RASA1: variants seen among roughly 807,000 people sequenced by gnomAD.
RASA1 encodes RAS p21 protein activator 1, also known as ras GTPase-activating protein 1.
Under a neutral mutation model 132.2 loss-of-function variants are expected in RASA1, and 25 were observed. The observed-to-expected ratio is 0.19, with a 90% CI of 0.14 to 0.26. The LOEUF (loss-of-function observed/expected upper bound fraction) is 0.26, where lower values mean the gene tolerates loss of function less well. Ranked by LOEUF, RASA1 falls within the 10% of genes least tolerant of loss-of-function variation. The probability of loss-of-function intolerance (pLI) is 1.00; values close to 1 mark genes in which losing one functional copy is unlikely to be tolerated. For synonymous variants in RASA1, 477 were observed against 449.9 expected (o/e 1.06, Z -0.76); for missense variants, 964 against 1,299.2 (o/e 0.74, Z 3.97).
intron 1 of RASA1, chr5:87,269,192 G>T (rs1753712073): frequency 1.9e-6 from 3 of 1,597,720 alleles, no homozygotes; most frequent in Non-Finnish European, 2.6e-6. Context: ...TACATTTATT[G>T]CTCCTCTGGG....
At chr5:87,323,673 G>A (rs1212100542) in intron 1 of RASA1, among the ~76,000 whole-genome samples, 1 of 151,320 alleles carries the variant, frequency 6.6e-6, no homozygotes, top group Non-Finnish European at 1.5e-5. Flanking sequence ...TGTAAAGAAT[G>A]TTTAGGGTAT....
At chr5:87,386,788 G>C (rs767173997) in intron 22 of RASA1, 38 bp from the exon 23 acceptor site, 1 of 1,565,060 alleles carries the variant, frequency 6.4e-7, no homozygotes, top group East Asian at 2.2e-5. Flanking sequence ...ACAGTGGTTT[G>C]TTTCTGGTGC....
At chr5:87,278,691 A>G (rs571061904) in intron 1 of RASA1, among the ~76,000 whole-genome samples, 1 of 152,244 alleles carries the variant, frequency 6.6e-6, no homozygotes, top group African/African-American at 2.4e-5. Context: ...TTCACATTTC[A>G]CCAGTTTTAC....
At chr5:87,389,591 A>C in intron 24 of RASA1, 64 bp downstream of exon 24, 1 of 1,579,380 alleles carries the variant, frequency 6.3e-7, no homozygotes, top group Non-Finnish European at 8.7e-7. Flanking sequence ...GAGTTAATAA[A>C]TAGCTGAATT....
intron 1 of RASA1, among the ~76,000 whole-genome samples, chr5:87,276,696 C>T (rs1754074894): frequency 6.6e-6 from 1 of 152,162 alleles, no homozygotes; most frequent in African/African-American, 2.4e-5. Context: ...ACTGAAATTT[C>T]ATACCATAAT....
At chr5:87,304,120 C>A (rs1332505533) in intron 1 of RASA1, among the ~76,000 whole-genome samples, 1 of 152,182 alleles carries the variant, frequency 6.6e-6, no homozygotes, top group East Asian at 1.9e-4. Flanking sequence ...CAGGCATGAG[C>A]CACTGCGCCC....
chr5:87,324,806 G>A (rs894264277), intron 1 of RASA1, among the ~76,000 whole-genome samples: 14 of 151,972 alleles, frequency 9.2e-5, no homozygotes, highest in Non-Finnish European at 1.2e-4. Flanking sequence ...GCTTAGCCTA[G>A]TGGTTGTTCA....
At chr5:87,298,535 C>T (rs943591545) in intron 1 of RASA1, among the ~76,000 whole-genome samples, 1 of 151,890 alleles carries the variant, frequency 6.6e-6, no homozygotes, top group African/African-American at 2.4e-5. Context: ...TGTGGGAATT[C>T]GGAGGCTACA....
intron 1 of RASA1, among the ~76,000 whole-genome samples, chr5:87,276,535 A>G (rs1754067436): frequency 6.6e-6 from 1 of 152,216 alleles, no homozygotes; most frequent in Non-Finnish European, 1.5e-5. Context: ...AAAGAAATAT[A>G]CAATTCTACA....
chr5:87,285,527 T>C (rs528508099), intron 1 of RASA1, among the ~76,000 whole-genome samples: 2 of 152,172 alleles, frequency 1.3e-5, no homozygotes, highest in African/African-American at 2.4e-5. Context: ...AGCATTGTAG[T>C]GTAGATATGT....
chr5:87,297,952 G>GA, intron 1 of RASA1, among the ~76,000 whole-genome samples: 1 of 152,048 alleles, frequency 6.6e-6, no homozygotes, highest in Non-Finnish European at 1.5e-5. Flanking sequence ...GATGACTTGA[G>GA]ATTTTTCTCT....
chr5:87,348,717 C>T (rs1489260331), intron 7 of RASA1, among the ~76,000 whole-genome samples: 1 of 151,572 alleles, frequency 6.6e-6, no homozygotes, highest in Non-Finnish European at 1.5e-5. Context: ...AGTGATCCTC[C>T]TGGATAGCTG....
chr5:87,351,048 G>A (rs567983843), intron 8 of RASA1, among the ~76,000 whole-genome samples: 48 of 151,110 alleles, frequency 3.2e-4, no homozygotes, highest in African/African-American at 1.1e-3. Context: ...TAAATCTGTC[G>A]AACACAGCCA....
intron 5 of RASA1, among the ~76,000 whole-genome samples, chr5:87,338,536 A>ATATATTT: frequency 2.0e-4 from 17 of 85,212 alleles, no homozygotes; most frequent in African/African-American, 4.0e-4. Flanking sequence ...TATATATAAA[A>ATATATTT]TTTTTTTTTT....
chr5:87,370,648 A>G (rs546032149), intron 12 of RASA1, among the ~76,000 whole-genome samples: 1 of 152,242 alleles, frequency 6.6e-6, no homozygotes, highest in South Asian at 2.1e-4. Context: ...CAACAAACTG[A>G]GACACTGTCT....
chr5:87,304,927 CT>C (rs1294272339), intron 1 of RASA1, among the ~76,000 whole-genome samples: 9 of 96,168 alleles, frequency 9.4e-5, no homozygotes, highest in Non-Finnish European at 2.0e-4. Flanking sequence ...GCCTGTGTAA[CT>C]TCTTTTAGTC....
intron 1 of RASA1, among the ~76,000 whole-genome samples, chr5:87,302,717 G>A (rs1755427706): frequency 6.6e-6 from 1 of 150,458 alleles, no homozygotes; most frequent in South Asian, 2.1e-4. Context: ...AATATTATCA[G>A]CATCCTAGAT....
At chr5:87,357,757 G>GT (rs1202524188) in intron 9 of RASA1, among the ~76,000 whole-genome samples, 9 of 152,112 alleles carry the variant, frequency 5.9e-5, no homozygotes, top group Non-Finnish European at 1.0e-4. Flanking sequence ...TGCAGTATGT[G>GT]TTATAAGACT....
chr5:87,331,522 G>T, intron 2 of RASA1, 22 bp downstream of exon 2: 1 of 1,608,558 alleles, frequency 6.2e-7, no homozygotes, highest in Non-Finnish European at 8.5e-7. Flanking sequence ...TTCCTATTAT[G>T]AAGCCAAATG....
Sources: allele counts gnomAD v4.1 joint callset (sites outside exome capture counted in the v4.1 genomes callset), GRCh38; gene constraint gnomAD v4.1.1; transcripts MANE v1.5; gene names NCBI Gene and HGNC (gene_info 2026-07-23, HGNC 2026-07-21).